Variants in MYO18A observed in about 807,000 individuals in gnomAD.
MYO18A encodes unconventional myosin-XVIIIa.
A neutral mutation model predicts 235.8 loss-of-function variants in MYO18A; 78 were observed. That is an observed-to-expected ratio of 0.33 (90% CI 0.28 to 0.40). The LOEUF (loss-of-function observed/expected upper bound fraction) is 0.40. MYO18A is among the 10% of genes least tolerant of loss of function. MYO18A has a pLI of 1.00. For synonymous variants in MYO18A, 977 were observed against 1,077.8 expected (o/e 0.91, Z 1.83); for missense variants, 2,215 against 2,699.3 (o/e 0.82, Z 3.98).
intron 1 of MYO18A, among the ~76,000 whole-genome samples, chr17:29,179,822 T>C (rs1366510931): frequency 6.6e-6 from 1 of 151,856 alleles, no homozygotes; most frequent in East Asian, 2.0e-4. Flanking sequence ...AGTGAAAGAG[T>C]GAAGGCCGCT....
chr17:29,120,599 C>T lies in MYO18A; in HGVS notation c.1728+17G>A. On this transcript the variant is annotated intron_variant, in intron 7 of 41. Transcript: ENST00000527372. The surrounding 1 kb of genome is among the most constrained non-coding windows in gnomAD (Gnocchi z 4.2). Reference sequence around the variant, plus strand: ...GGCCTGTGTCCTACTACCCCGAGTCCTGGGCAGCACTCTCACCTGAATGGA... The same window carrying T: ...GGCCTGTGTCCTACTACCCCGAGTCTTGGGCAGCACTCTCACCTGAATGGA... 6.2e-7 allele frequency: 1 copy of T among 1,610,888 alleles called. No homozygotes were observed. Among genetic ancestry groups the T allele is most frequent in the Non-Finnish European group, 8.5e-7 (1 of 1,178,278 alleles).
intron 15 of MYO18A, 79 bp downstream of exon 15, chr17:29,113,932 G>T: frequency 8.3e-7 from 1 of 1,199,182 alleles, no homozygotes; most frequent in Non-Finnish European, 1.2e-6. Context: ...CAGCAGCTCA[G>T]ATGGGGAGGG....
At chr17:29,147,052 G>A (rs1437929679) in intron 2 of MYO18A, among the ~76,000 whole-genome samples, 1 of 152,180 alleles carries the variant, frequency 6.6e-6, no homozygotes, top group African/African-American at 2.4e-5. Flanking sequence ...GGTTTACAGA[G>A]GTTAAATAAT....
intron 15 of MYO18A, among the ~76,000 whole-genome samples, 179 bp downstream of exon 15, chr17:29,113,832 G>A (rs1249654970): frequency 6.6e-6 from 1 of 152,228 alleles, no homozygotes; most frequent in East Asian, 1.9e-4. Context: ...GACTGCCTGA[G>A]TGCTGAGGGG....
chr17:29,116,401 A>T (rs1021602560), intron 11 of MYO18A, 43 bp downstream of exon 11: 1 of 1,613,326 alleles, frequency 6.2e-7, no homozygotes, highest in East Asian at 2.2e-5. Context: ...ACATGTGTCT[A>T]ATCACGGCAA....
chr17:29,170,170 G>A (rs2068370393), intron 1 of MYO18A, among the ~76,000 whole-genome samples: 1 of 152,202 alleles, frequency 6.6e-6, no homozygotes, highest in African/African-American at 2.4e-5. Flanking sequence ...CACAGGTTAA[G>A]TTATTAACCT....
rs1214483875 is a variant in MYO18A, at chr17:29,109,505, C to T, written c.3331+353G>A. 1.3e-5 allele frequency among the ~76,000 whole-genome samples: 2 copies of T among 152,148 alleles called. No individual in the cohort carries two copies. The highest frequency in any genetic ancestry group is 2.4e-5 in the African/African-American group (1 of 41,430). The stretch of plus-strand genomic sequence containing the variant: ...TCATTTCTCACTGGGCAGATGGCTC[C>T]GAAAGGGCACTGGGTTTGCTGCTGT... On this transcript the variant is annotated intron_variant, in intron 19 of 41. Transcript: ENST00000527372. The surrounding 1 kb of genome is among the most constrained non-coding windows in gnomAD (Gnocchi z 4.1).
In MYO18A at chr17:29,110,027, C is replaced by T. The variant is rs2066890648; in HGVS notation, c.3162G>A (p.Trp1054Ter). 6.2e-7 allele frequency: 1 copy of T among 1,613,110 alleles called. No individual in the cohort carries two copies. The highest frequency in any genetic ancestry group is 1.3e-5 in the African/African-American group (1 of 74,922). ...VHCFLPVAEG[W>*]AGEPRSASSR... ...AGGAGGCGGAACGGGGCTCCCCAGCCCAGCCCTCAGCTACAGGCAGGAAGC... is the reference window on the plus strand; with the variant it reads ...AGGAGGCGGAACGGGGCTCCCCAGCTCAGCCCTCAGCTACAGGCAGGAAGC... Residue 1054 changes from tryptophan (W) to a stop codon, truncating the protein, a stop_gained, in exon 19 of 42, where the codon TGG becomes TGA. Coordinates refer to ENST00000527372, the MANE Select transcript of MYO18A (RefSeq NM_078471.4). LOFTEE classifies it high-confidence loss of function.
chr17:29,154,806 C>A (rs912366368), intron 2 of MYO18A, among the ~76,000 whole-genome samples: 1 of 152,190 alleles, frequency 6.6e-6, no homozygotes, highest in Admixed American at 6.5e-5. Context: ...CCAGCCCAGC[C>A]GGGGAGGAAA....
chr17:29,086,921 G>GA lies in MYO18A; in HGVS notation c.5712+14dup. The GA allele has an allele frequency of 1.2e-6, 2 of 1,607,534 alleles. No individual in the cohort carries two copies. Among genetic ancestry groups the GA allele is most frequent in the South Asian group, 2.2e-5 (2 of 90,054 alleles). On this transcript the variant is annotated intron_variant, in intron 38 of 41. Transcript: ENST00000527372. Reference sequence around the variant, plus strand: ...GGGCTGCCATGTGGGCCCCGTGGGGGACAGGGGGCATTACCAGTTCGTGCT... The same window carrying GA: ...GGGCTGCCATGTGGGCCCCGTGGGGGAACAGGGGGCATTACCAGTTCGTGCT...
At chr17:29,123,855 T>G (rs559415756) in intron 2 of MYO18A, among the ~76,000 whole-genome samples, 6 of 152,312 alleles carry the variant, frequency 3.9e-5, no homozygotes, top group African/African-American at 1.4e-4. Flanking sequence ...GAGACCATCC[T>G]GGCTAACACA....
At chr17:29,147,237 TC>T (rs2067867477) in intron 2 of MYO18A, among the ~76,000 whole-genome samples, 1 of 152,156 alleles carries the variant, frequency 6.6e-6, no homozygotes, top group South Asian at 2.1e-4. Flanking sequence ...GCTGAGCAGG[TC>T]AGGCATGGTG....
At position 29,074,244 on chromosome 17, in the gene MYO18A, C is replaced by A; in HGVS notation, c.*526G>T. On this transcript the variant is annotated 3_prime_UTR_variant, in exon 42 of 42. Coordinates refer to ENST00000527372, the MANE Select transcript of MYO18A (RefSeq NM_078471.4). The surrounding 1 kb of genome is among the most constrained non-coding windows in gnomAD (Gnocchi z 4.4). ...GCCCCAGCTACCACTACAGCCCCCT[C>A]CCACTCTCAGGGATGCAGCTGTGAT... 1 of 1,514,744 alleles carries A rather than the reference C, an allele frequency of 6.6e-7. No individual in the cohort carries two copies. The highest frequency in any genetic ancestry group is 1.3e-5 in the South Asian group (1 of 78,524). 93.8% of individuals were successfully genotyped at this position (1,514,744 alleles called of 1,614,324 possible).
intron 21 of MYO18A, among the ~76,000 whole-genome samples, chr17:29,101,652 G>A (rs190632050): frequency 1.3e-5 from 2 of 152,280 alleles, no homozygotes; most frequent in Admixed American, 6.5e-5. Context: ...AAATCCTGCT[G>A]GGGGTAAGGA....
chr17:29,086,805 C>T (rs1460436926), intron 38 of MYO18A, 131 bp downstream of exon 38: 3 of 1,219,310 alleles, frequency 2.5e-6, no homozygotes, highest in Non-Finnish European at 3.4e-6. Flanking sequence ...ATATGCTCCT[C>T]CTCCCTCCCA....
Position 29,072,092 on chromosome 17 carries a change from G to A in MYO18A, c.*2678C>T, listed in dbSNP as rs554281308. 3 of 152,200 alleles carry A rather than the reference G, an allele frequency of 2.0e-5. No homozygotes were observed. The highest frequency in any genetic ancestry group is 4.1e-4 in the South Asian group (2 of 4,824). The allele number at this position is 152,200 out of a possible 1,614,324, so 9.4% of individuals were successfully genotyped here. A position where few individuals can be genotyped will look rare whatever the true frequency, so the allele number is the denominator to read the frequency against. ...AACAGATTTGGGAATTCATCTAAAGGTGGCAGGGAGTTTGTCACACTAGTC... is the reference window on the plus strand; with the variant it reads ...AACAGATTTGGGAATTCATCTAAAGATGGCAGGGAGTTTGTCACACTAGTC... On this transcript the variant is annotated 3_prime_UTR_variant, in exon 42 of 42. Transcript: ENST00000527372.
In MYO18A at chr17:29,120,485, T is replaced by C; in HGVS notation, c.1728+131A>G. ...GCCTCTGGATAGTGCAGGCCAACCCTGCCCATGCCTGGGTCAATTTTGTTA... is the reference window on the plus strand; with the variant it reads ...GCCTCTGGATAGTGCAGGCCAACCCCGCCCATGCCTGGGTCAATTTTGTTA... On this transcript the variant is annotated intron_variant, in intron 7 of 41. Coordinates refer to ENST00000527372, the MANE Select transcript of MYO18A (RefSeq NM_078471.4). The surrounding 1 kb of genome is among the most constrained non-coding windows in gnomAD (Gnocchi z 4.2). 1 of 1,251,542 alleles carries C rather than the reference T, an allele frequency of 8.0e-7. No individual in the cohort carries two copies. Among genetic ancestry groups the C allele is most frequent in the Middle Eastern group, 2.0e-4 (1 of 4,922 alleles). 77.5% of individuals were successfully genotyped at this position (1,251,542 alleles called of 1,614,324 possible).
intron 37 of MYO18A, 28 bp downstream of exon 37, chr17:29,089,933 G>T (rs905900403): frequency 1.2e-6 from 2 of 1,613,724 alleles, no homozygotes; most frequent in African/African-American, 1.3e-5. Flanking sequence ...GCCCTGTTTG[G>T]TGTGGCCCGG....
rs946047975 is a variant in MYO18A, at chr17:29,158,828, T to C, written c.999+7114A>G. Among the ~76,000 whole-genome samples the C allele has an allele frequency of 6.6e-6, 1 of 152,164 alleles. No homozygotes were observed. The highest frequency in any genetic ancestry group is 1.5e-5 in the Non-Finnish European group (1 of 68,004). On this transcript the variant is annotated intron_variant, in intron 2 of 41. Transcript: ENST00000527372. The surrounding 1 kb of genome is among the most constrained non-coding windows in gnomAD (Gnocchi z 4.3). The stretch of plus-strand genomic sequence containing the variant: ...ACCCGCCACACACTCCCCTTCACCC[T>C]ACTCCCCACTCACCCCCAGTCAGGG...
Sources: gnomAD v4.1 joint callset for allele counts (sites outside exome capture counted in the v4.1 genomes callset) on GRCh38, gnomAD v4.1.1 for gene constraint, Gnocchi (gnomAD v3.1) non-coding constraint, MANE v1.5 for transcripts, NCBI Gene and HGNC (gene_info 2026-07-23, HGNC 2026-07-21) for gene names.